The following IL2RA variants were observed in gnomAD, a reference collection of about 807,000 sequenced individuals.
IL2RA encodes interleukin 2 receptor subunit alpha, also known as interleukin-2 receptor subunit alpha.
A neutral mutation model predicts 37.8 loss-of-function variants in IL2RA; 24 were observed. That is an observed-to-expected ratio of 0.63 (90% CI 0.46 to 0.89). The LOEUF is 0.89. IL2RA is among the 40% of genes least tolerant of loss of function. The pLI is 0.00. For synonymous variants in IL2RA, 125 were observed against 114.6 expected, an observed-to-expected ratio of 1.09 and a Z score of -0.58; for missense variants, 319 against 348.6, an observed-to-expected ratio of 0.92 and a Z score of 0.68.
Position 6,015,510 on chromosome 10 carries a change from G to A in IL2RA, c.794+2543C>T, listed in dbSNP as rs762568462. ...ACAGATTCCTGGACCTAAGCAAGAC[G>A]ACTGCGTCAGAAACTCCACAGGTGG... On this transcript the variant is annotated intron_variant, in intron 7 of 7. Coordinates refer to ENST00000379959, the MANE Select transcript of IL2RA (RefSeq NM_000417.3). The surrounding 1 kb of genome is among the most constrained non-coding windows in gnomAD (Gnocchi z 4.9). Among the ~76,000 whole-genome samples, 10 of 152,168 alleles carry A rather than the reference G, an allele frequency of 6.6e-5. No individual in the cohort carries two copies. The highest frequency in any genetic ancestry group is 1.9e-4 in the East Asian group (1 of 5,200).
At chr10:6,043,704 C>G (rs1242833949) in intron 1 of IL2RA, among the ~76,000 whole-genome samples, 2 of 152,170 alleles carry the variant, frequency 1.3e-5, no homozygotes, top group African/African-American at 4.8e-5. Flanking sequence ...TCCCAAGGTG[C>G]TGGGATTACA....
At chr10:6,053,381 A>C (rs1391895931) in intron 1 of IL2RA, among the ~76,000 whole-genome samples, 2 of 152,244 alleles carry the variant, frequency 1.3e-5, no homozygotes. Context: ...TAATACCTGA[A>C]AGATAGCATT....
At chr10:6,042,141 T>A (rs1839780829) in intron 1 of IL2RA, among the ~76,000 whole-genome samples, 1 of 1,608 alleles carries the variant, frequency 6.2e-4, no homozygotes, top group African/African-American at 1.3e-3. Flanking sequence ...GCTAGCAATG[T>A]ATTAAGCAAA....
rs1329633424 is a variant in IL2RA, at chr10:6,058,682, G to T, written c.64+3406C>A. Reference sequence around the variant, plus strand: ...TGGGTTTCCACACTGTTTTTTTAAAGAATTATTTTTGAGTCTAGAGGATAA... The same window carrying T: ...TGGGTTTCCACACTGTTTTTTTAAATAATTATTTTTGAGTCTAGAGGATAA... On this transcript the variant is annotated intron_variant, in intron 1 of 7. Transcript: ENST00000379959. This position sits in a 1 kb window ranked among gnomAD's most constrained non-coding sequence, Gnocchi z 4.2. 1.3e-5 allele frequency among the ~76,000 whole-genome samples: 2 copies of T among 152,266 alleles called. No individual in the cohort carries two copies. Among genetic ancestry groups the T allele is most frequent in the African/African-American group, 2.4e-5 (1 of 41,554 alleles).
At chr10:6,061,527 TA>T (rs1481993743) in intron 1 of IL2RA, among the ~76,000 whole-genome samples, 3 of 152,240 alleles carry the variant, frequency 2.0e-5, no homozygotes, top group Admixed American at 2.0e-4. Flanking sequence ...TGCATATTTT[TA>T]AAAATTTCTG....
At chr10:6,053,500 T>G (rs1353954034) in intron 1 of IL2RA, among the ~76,000 whole-genome samples, 2 of 151,984 alleles carry the variant, frequency 1.3e-5, no homozygotes, top group Non-Finnish European at 2.9e-5. Flanking sequence ...AGTATCGGAG[T>G]TGGTGCATGG....
At chr10:6,016,649 T>C (rs932716385) in intron 7 of IL2RA, among the ~76,000 whole-genome samples, 1 of 152,112 alleles carries the variant, frequency 6.6e-6, no homozygotes, top group Admixed American at 6.5e-5. Context: ...CTTGGCTCAC[T>C]GCAACCTCCG....
At position 6,056,677 on chromosome 10, in the gene IL2RA, C is replaced by G. The variant is rs1415837486; in HGVS notation, c.64+5411G>C. Among the ~76,000 whole-genome samples the G allele has an allele frequency of 6.6e-6, 1 of 152,110 alleles. No homozygotes were observed. Among genetic ancestry groups the G allele is most frequent in the Non-Finnish European group, 1.5e-5 (1 of 68,014 alleles). On this transcript the variant is annotated intron_variant, in intron 1 of 7. Coordinates refer to ENST00000379959, the MANE Select transcript of IL2RA (RefSeq NM_000417.3). The surrounding 1 kb of genome is among the most constrained non-coding windows in gnomAD (Gnocchi z 5.0). ...ACAGAGGCAGGAGAATCACTTGAAC[C>G]CAGGAGCTGAAGGTTGCAGTGAGTT...
In IL2RA at chr10:6,061,573, A is replaced by G. The variant is rs191320021; in HGVS notation, c.64+515T>C. Among the ~76,000 whole-genome samples the G allele has an allele frequency of 2.4e-4, 37 of 152,294 alleles. 1 individual carries two copies. The highest frequency in any genetic ancestry group is 3.4e-3 in the Middle Eastern group (1 of 294). On this transcript the variant is annotated intron_variant, in intron 1 of 7. Transcript: ENST00000379959. The stretch of plus-strand genomic sequence containing the variant: ...ACTTGTAAGGAAATTCCTAGGTGTT[A>G]TTTCCTAAGACGTAAAAGCAGTGTA...
rs1020167716 is a variant in IL2RA at position 6,015,919 on chromosome 10, G to A, written c.794+2134C>T. 1.3e-5 allele frequency among the ~76,000 whole-genome samples: 2 copies of A among 152,190 alleles called. No individual in the cohort carries two copies. The highest frequency in any genetic ancestry group is 1.3e-4 in the Admixed American group (2 of 15,280). ...AATCCATAGAGACGGAACATAGAGTGGTGGTTTCCCGGGGCTGGGGAGAAT... is the reference window on the plus strand; with the variant it reads ...AATCCATAGAGACGGAACATAGAGTAGTGGTTTCCCGGGGCTGGGGAGAAT... On this transcript the variant is annotated intron_variant, in intron 7 of 7. Transcript: ENST00000379959. This position sits in a 1 kb window ranked among gnomAD's most constrained non-coding sequence, Gnocchi z 4.9.
rs1407633829 is a variant in IL2RA, at chr10:6,012,584, A to G, written c.*288T>C. On this transcript the variant is annotated 3_prime_UTR_variant, in exon 8 of 8. Coordinates refer to ENST00000379959, the MANE Select transcript of IL2RA (RefSeq NM_000417.3). The surrounding 1 kb of genome is among the most constrained non-coding windows in gnomAD (Gnocchi z 4.8). ...CATTCATGCTTTAATGAACACATAT[A>G]CATGAAAATAAGATGGAGAGTTCTA... 1.8e-6 allele frequency: 1 copy of G among 543,552 alleles called. No individual in the cohort carries two copies. Among genetic ancestry groups the G allele is most frequent in the African/African-American group, 1.9e-5 (1 of 52,726 alleles). 33.7% of individuals were successfully genotyped at this position (543,552 alleles called of 1,614,324 possible). A position where few individuals can be genotyped will look rare whatever the true frequency, so the allele number is the denominator to read the frequency against.
chr10:6,051,564 G>A (rs186963505), intron 1 of IL2RA, among the ~76,000 whole-genome samples: 4,971 of 139,898 alleles, frequency 0.036, 142 homozygotes, highest in Non-Finnish European at 0.057. Flanking sequence ...CTGTCACCCA[G>A]GCTGGAGTGC....
chr10:6,059,110 A>G (rs1479647409), intron 1 of IL2RA, among the ~76,000 whole-genome samples: 1 of 152,236 alleles, frequency 6.6e-6, no homozygotes, highest in Non-Finnish European at 1.5e-5. Context: ...CCCTGGAGTG[A>G]TGCCTAGAAA....
At chr10:6,016,550 C>T (rs952588097) in intron 7 of IL2RA, among the ~76,000 whole-genome samples, 6 of 152,078 alleles carry the variant, frequency 3.9e-5, no homozygotes, top group South Asian at 4.2e-4. Flanking sequence ...TGACTGGAGC[C>T]CAATCATTGA....
rs1022931235 is a variant in IL2RA, at chr10:6,025,188, T to C, written c.256+646A>G. On this transcript the variant is annotated intron_variant, in intron 2 of 7. Transcript: ENST00000379959. The surrounding 1 kb of genome is among the most constrained non-coding windows in gnomAD (Gnocchi z 4.4). Reference sequence around the variant, plus strand: ...GGCCAACATGGCGAAACCCCATCTTTGCTAAAAATAAAAAAATTAGCCAGG... The same window carrying C: ...GGCCAACATGGCGAAACCCCATCTTCGCTAAAAATAAAAAAATTAGCCAGG... Among the ~76,000 whole-genome samples, 1 of 151,898 alleles carries C rather than the reference T, an allele frequency of 6.6e-6. No homozygotes were observed. The highest frequency in any genetic ancestry group is 2.4e-5 in the African/African-American group (1 of 41,400).
chr10:6,024,895 G>A (rs1485020772), intron 2 of IL2RA, among the ~76,000 whole-genome samples: 3 of 152,206 alleles, frequency 2.0e-5, no homozygotes, highest in African/African-American at 7.2e-5. Flanking sequence ...TTGAGTCTGA[G>A]TGCCCCAGTG....
At chr10:6,034,458 T>C (rs962716796) in intron 1 of IL2RA, among the ~76,000 whole-genome samples, 2 of 152,044 alleles carry the variant, frequency 1.3e-5, no homozygotes, top group Non-Finnish European at 2.9e-5. Flanking sequence ...TTTTTAGCCC[T>C]TCTCAGTGTA....
Position 6,036,902 on chromosome 10 carries a change from G to A in IL2RA, c.65-10877C>T, listed in dbSNP as rs946917643. On this transcript the variant is annotated intron_variant, in intron 1 of 7. Coordinates refer to ENST00000379959, the MANE Select transcript of IL2RA (RefSeq NM_000417.3). The surrounding 1 kb of genome is among the most constrained non-coding windows in gnomAD (Gnocchi z 6.1). ...GCAGCAGCGTGTGTGCAGAGCCCCC[G>A]GGATCTTGCAGACTGGGATTTGTCA... Among the ~76,000 whole-genome samples, 6 of 152,118 alleles carry A rather than the reference G, an allele frequency of 3.9e-5. No homozygotes were observed. The highest frequency in any genetic ancestry group is 7.2e-5 in the African/African-American group (3 of 41,420).
Position 6,061,942 on chromosome 10 carries a change from C to T in IL2RA, c.64+146G>A, listed in dbSNP as rs1310522730. 6.0e-6 allele frequency: 4 copies of T among 662,226 alleles called. No homozygotes were observed. In the Admixed American group the frequency reaches 7.3e-5, roughly 12 times the overall value. The allele number at this position is 662,226 out of a possible 1,614,324, so 41.0% of individuals were successfully genotyped here. A position where few individuals can be genotyped will look rare whatever the true frequency, so the allele number is the denominator to read the frequency against. On this transcript the variant is annotated intron_variant, in intron 1 of 7. Coordinates refer to ENST00000379959, the MANE Select transcript of IL2RA (RefSeq NM_000417.3). ...GAACAGTGAGGCATAAACTGGGGTCCCCGTGGGTCACAGGCAAGAGGTGGA... is the reference window on the plus strand; with the variant it reads ...GAACAGTGAGGCATAAACTGGGGTCTCCGTGGGTCACAGGCAAGAGGTGGA...
Sources: gnomAD v4.1 joint callset for allele counts (sites outside exome capture counted in the v4.1 genomes callset) on GRCh38, gnomAD v4.1.1 for gene constraint, Gnocchi (gnomAD v3.1) non-coding constraint, MANE v1.5 for transcripts, NCBI Gene and HGNC (gene_info 2026-07-23, HGNC 2026-07-21) for gene names.